GALNT17: variants seen among roughly 807,000 people sequenced by gnomAD.
GALNT17 encodes UDP-GalNAc:polypeptide N-acetylgalactosaminyltransferase-like 3.
In GALNT17, 29 loss-of-function variants were observed where a neutral mutation model predicts 63.7. The observed-to-expected ratio is 0.46, with a 90% confidence interval of 0.34 to 0.62. The LOEUF (loss-of-function observed/expected upper bound fraction) is 0.62, where lower values mean the gene tolerates loss of function less well. Ranked by LOEUF, GALNT17 falls within the 20% of genes least tolerant of loss-of-function variation. The pLI is 0.01. For missense variants in GALNT17, 603 were observed against 799.6 expected (o/e 0.75, Z 2.97); for synonymous variants, 305 against 318.3 (o/e 0.96, Z 0.45).
At chr7:71,482,526 C>A (rs1408813509) in intron 5 of GALNT17, among the ~76,000 whole-genome samples, 1 of 152,162 alleles carries the variant, frequency 6.6e-6, no homozygotes. Context: ...ACTTATACAA[C>A]CCTAAGTGGC....
chr7:71,311,743 A>G (rs1405338804), intron 1 of GALNT17, among the ~76,000 whole-genome samples: 1 of 152,164 alleles, frequency 6.6e-6, no homozygotes. Context: ...GTCATTAGGG[A>G]TGTGGATGGG....
intron 5 of GALNT17, among the ~76,000 whole-genome samples, chr7:71,441,901 G>A (rs1381690888): frequency 6.6e-6 from 1 of 152,122 alleles, no homozygotes; most frequent in Non-Finnish European, 1.5e-5. Context: ...ATTTGGGTTG[G>A]TTCCAAGTCT....
chr7:71,318,302 C>A (rs1791536462), intron 1 of GALNT17, among the ~76,000 whole-genome samples: 1 of 152,112 alleles, frequency 6.6e-6, no homozygotes, highest in African/African-American at 2.4e-5. Flanking sequence ...TGGAAATCTG[C>A]TGATGTTGGA....
intron 3 of GALNT17, among the ~76,000 whole-genome samples, chr7:71,399,953 G>A (rs1793211268): frequency 6.6e-6 from 1 of 152,046 alleles, no homozygotes; most frequent in Admixed American, 6.6e-5. Flanking sequence ...TTTTATTGGA[G>A]TATTTATCTT....
intron 6 of GALNT17, among the ~76,000 whole-genome samples, chr7:71,612,637 A>G (rs1790142536): frequency 6.6e-6 from 1 of 152,238 alleles, no homozygotes; most frequent in Non-Finnish European, 1.5e-5. Context: ...GTTTCTTTAC[A>G]GAATGCTGAT....
intron 6 of GALNT17, 35 bp downstream of exon 6, chr7:71,571,437 C>G: frequency 6.4e-7 from 1 of 1,568,312 alleles, no homozygotes; most frequent in Non-Finnish European, 8.8e-7. Context: ...CTTGGTGTGC[C>G]CATGTTTGTG....
chr7:71,552,373 A>C (rs747554071), intron 5 of GALNT17, among the ~76,000 whole-genome samples: 4 of 151,640 alleles, frequency 2.6e-5, no homozygotes, highest in Non-Finnish European at 4.4e-5. Flanking sequence ...CTAGGAAGGC[A>C]CTTTACAAAT....
chr7:71,358,222 C>T (rs961506710), intron 2 of GALNT17, among the ~76,000 whole-genome samples: 7 of 152,158 alleles, frequency 4.6e-5, no homozygotes, highest in Non-Finnish European at 1.0e-4. Context: ...GACACAAAAC[C>T]TCATCTCTAC....
intron 5 of GALNT17, among the ~76,000 whole-genome samples, chr7:71,492,943 G>A (rs1200892211): frequency 6.6e-6 from 1 of 152,148 alleles, no homozygotes; most frequent in Non-Finnish European, 1.5e-5. Flanking sequence ...TAATTCACAT[G>A]CTATGAATGG....
At chr7:71,334,668 A>G (rs954716836) in intron 1 of GALNT17, among the ~76,000 whole-genome samples, 1 of 152,200 alleles carries the variant, frequency 6.6e-6, no homozygotes, top group Non-Finnish European at 1.5e-5. Context: ...GGAGCTTGCA[A>G]TTGCTCAGTG....
At chr7:71,270,520 G>A (rs548993970) in intron 1 of GALNT17, among the ~76,000 whole-genome samples, 4 of 121,412 alleles carry the variant, frequency 3.3e-5, no homozygotes, top group Non-Finnish European at 6.4e-5. Context: ...GCGAGACTAC[G>A]TACCCTCCCC....
At chr7:71,142,475 C>A (rs1211823739) in intron 1 of GALNT17, among the ~76,000 whole-genome samples, 3 of 152,156 alleles carry the variant, frequency 2.0e-5, no homozygotes, top group Non-Finnish European at 4.4e-5. Flanking sequence ...CTGACAAACC[C>A]AATTACAGAA....
chr7:71,266,925 G>A (rs889779344), intron 1 of GALNT17, among the ~76,000 whole-genome samples: 5 of 152,174 alleles, frequency 3.3e-5, no homozygotes, highest in Non-Finnish European at 7.3e-5. Flanking sequence ...GAGGCATTGA[G>A]ACTGACTCTG....
intron 9 of GALNT17, 114 bp downstream of exon 9, chr7:71,677,420 C>A: frequency 9.5e-7 from 1 of 1,048,296 alleles, no homozygotes; most frequent in Non-Finnish European, 1.4e-6. Context: ...GTTATTTATT[C>A]TGAGAAAAAT....
intron 5 of GALNT17, among the ~76,000 whole-genome samples, chr7:71,560,409 A>T (rs186585447): frequency 6.6e-6 from 1 of 152,074 alleles, no homozygotes. Context: ...GCAACTCCCC[A>T]TGAGAACACA....
chr7:71,174,826 G>A (rs377583322), intron 1 of GALNT17, among the ~76,000 whole-genome samples: 4 of 152,312 alleles, frequency 2.6e-5, no homozygotes, highest in Middle Eastern at 3.4e-3. Flanking sequence ...GGATGTAGAC[G>A]TGTAGGTCAC....
chr7:71,549,750 A>G (rs992536292), intron 5 of GALNT17, among the ~76,000 whole-genome samples: 1 of 152,138 alleles, frequency 6.6e-6, no homozygotes, highest in East Asian at 1.9e-4. Flanking sequence ...ATGGGGTCAT[A>G]CCAAGCCCCT....
intron 5 of GALNT17, among the ~76,000 whole-genome samples, chr7:71,431,135 T>G (rs1029724948): frequency 1.3e-5 from 2 of 152,098 alleles, no homozygotes; most frequent in African/African-American, 4.8e-5. Flanking sequence ...CAGGTACAGT[T>G]CTTGTATTTA....
intron 1 of GALNT17, among the ~76,000 whole-genome samples, chr7:71,241,396 C>T (rs1040735503): frequency 5.3e-5 from 8 of 152,116 alleles, no homozygotes; most frequent in Non-Finnish European, 1.0e-4. Flanking sequence ...ATGTGGCCAC[C>T]CAGAGAAGAA....
Sources: allele counts gnomAD v4.1 joint callset (sites outside exome capture counted in the v4.1 genomes callset), GRCh38; gene constraint gnomAD v4.1.1; transcripts MANE v1.5; gene names NCBI Gene and HGNC (gene_info 2026-07-23, HGNC 2026-07-21).